Variants in ADGRL3 observed in about 807,000 individuals in gnomAD.
ADGRL3 encodes adhesion G protein-coupled receptor L3.
ADGRL3 carries 62 observed loss-of-function variants against 153.5 expected under a neutral mutation model. That is an observed-to-expected ratio of 0.40 (90% CI 0.33 to 0.50). The LOEUF (loss-of-function observed/expected upper bound fraction) is 0.50, where lower values mean the gene tolerates loss of function less well. Ranked by LOEUF, ADGRL3 falls within the 20% of genes least tolerant of loss-of-function variation. The pLI, the probability that ADGRL3 is intolerant of heterozygous loss-of-function variation, is 0.47. For synonymous variants in ADGRL3, 710 were observed against 672.5 expected, an observed-to-expected ratio of 1.06 and a Z score of -0.86; for missense variants, 1,641 against 1,859.4, an observed-to-expected ratio of 0.88 and a Z score of 2.16.
At chr4:61,918,490 G>T (rs1404232254) in intron 13 of ADGRL3, among the ~76,000 whole-genome samples, 1 of 152,128 alleles carries the variant, frequency 6.6e-6, no homozygotes, top group African/African-American at 2.4e-5. Context: ...TCATCAAGGG[G>T]ATGAGTGTAA....
At chr4:61,936,195 T>G (rs1032850789) in intron 15 of ADGRL3, 150 bp downstream of exon 15, 3 of 827,944 alleles carry the variant, frequency 3.6e-6, no homozygotes, top group Non-Finnish European at 5.9e-6. Flanking sequence ...TCCTCCTCTT[T>G]CTACTGTACA....
In ADGRL3 at chr4:61,782,251, A is replaced by G. The variant is rs570586530; in HGVS notation, c.1400-31558A>G. Among the ~76,000 whole-genome samples, 14 of 152,250 alleles carry G rather than the reference A, an allele frequency of 9.2e-5. No individual in the cohort carries two copies. The South Asian group carries it at 2.5e-3, about 27-fold the overall frequency. On this transcript the variant is annotated intron_variant, in intron 8 of 26. Coordinates refer to ENST00000683033, the MANE Select transcript of ADGRL3 (RefSeq NM_001387552.1). ...CTTTCTTTTTCTATTAATGAGAAGG[A>G]ATAATATTCACTGATTCAGTCAGTA... is the stretch of plus-strand genomic sequence containing the variant.
chr4:61,883,339 G>A (rs902439118), intron 9 of ADGRL3, among the ~76,000 whole-genome samples: 2 of 152,098 alleles, frequency 1.3e-5, no homozygotes, highest in South Asian at 2.1e-4. Context: ...CTTCTGTATC[G>A]CCAGCACTTA....
chr4:61,473,825 T>G (rs890247587), intron 2 of ADGRL3, among the ~76,000 whole-genome samples: 1 of 152,124 alleles, frequency 6.6e-6, no homozygotes, highest in Admixed American at 6.6e-5. Context: ...AAGCAGACAT[T>G]TATTGACTGT....
intron 9 of ADGRL3, among the ~76,000 whole-genome samples, chr4:61,879,301 G>C (rs564519573): frequency 6.6e-6 from 1 of 152,114 alleles, no homozygotes; most frequent in African/African-American, 2.4e-5. Flanking sequence ...TATTACTACA[G>C]ATTGTATATC....
At chr4:61,862,717 T>C (rs1408126829) in intron 9 of ADGRL3, among the ~76,000 whole-genome samples, 1 of 152,118 alleles carries the variant, frequency 6.6e-6, no homozygotes, top group African/African-American at 2.4e-5. Flanking sequence ...TCCAGATTCA[T>C]GGTCTCTATC....
intron 8 of ADGRL3, among the ~76,000 whole-genome samples, chr4:61,756,758 G>T (rs1422297516): frequency 1.3e-5 from 2 of 152,120 alleles, no homozygotes; most frequent in African/African-American, 4.8e-5. Flanking sequence ...CTGTGGGTTT[G>T]TCATAGATAG....
At chr4:61,880,123 T>A in intron 9 of ADGRL3, among the ~76,000 whole-genome samples, 1 of 152,154 alleles carries the variant, frequency 6.6e-6, no homozygotes, top group Admixed American at 6.5e-5. Context: ...AGTTACTAAG[T>A]CCTCAACCTA....
intron 6 of ADGRL3, among the ~76,000 whole-genome samples, chr4:61,729,260 C>T (rs573597011): frequency 7.2e-5 from 11 of 151,914 alleles, no homozygotes; most frequent in African/African-American, 2.7e-4. Context: ...GATGAAGGAT[C>T]TAAAATTTGA....
At chr4:61,642,698 G>A (rs1244995624) in intron 5 of ADGRL3, among the ~76,000 whole-genome samples, 1 of 152,186 alleles carries the variant, frequency 6.6e-6, no homozygotes, top group African/African-American at 2.4e-5. Flanking sequence ...TAGCCTTGTA[G>A]TATAGTTTGA....
chr4:61,325,455 T>C (rs2095444978), intron 1 of ADGRL3, among the ~76,000 whole-genome samples: 1 of 152,248 alleles, frequency 6.6e-6, no homozygotes, highest in Admixed American at 6.5e-5. Flanking sequence ...ACTTTCAAAA[T>C]ATCAGCAAGT....
intron 19 of ADGRL3, among the ~76,000 whole-genome samples, chr4:61,990,615 A>T (rs1203597296): frequency 1.3e-5 from 2 of 152,164 alleles, no homozygotes; most frequent in East Asian, 3.9e-4. Context: ...ACTAACATCG[A>T]GATGACCTTA....
chr4:61,291,801 A>G (rs780477979), intron 1 of ADGRL3, among the ~76,000 whole-genome samples: 4 of 148,812 alleles, frequency 2.7e-5, no homozygotes, highest in Non-Finnish European at 4.4e-5. Flanking sequence ...TATAAAATGG[A>G]GACGTTCTAT....
chr4:61,930,929 A>T (rs1292977912), intron 13 of ADGRL3, among the ~76,000 whole-genome samples: 1 of 152,190 alleles, frequency 6.6e-6, no homozygotes, highest in African/African-American at 2.4e-5. Context: ...TTGTGACCAG[A>T]TGTCATAGTG....
intron 8 of ADGRL3, among the ~76,000 whole-genome samples, chr4:61,756,633 C>G (rs901530182): frequency 3.9e-5 from 6 of 152,134 alleles, no homozygotes; most frequent in African/African-American, 1.4e-4. Context: ...CCTGATTGCC[C>G]TGGCCAGAAC....
chr4:61,619,308 C>G (rs1012588221), intron 5 of ADGRL3, among the ~76,000 whole-genome samples: 3 of 152,050 alleles, frequency 2.0e-5, no homozygotes, highest in Non-Finnish European at 2.9e-5. Flanking sequence ...AAATTGTAAT[C>G]TTTCATGAAA....
chr4:61,598,793 T>G (rs1235472628), intron 5 of ADGRL3, among the ~76,000 whole-genome samples: 1 of 152,214 alleles, frequency 6.6e-6, no homozygotes, highest in Non-Finnish European at 1.5e-5. Flanking sequence ...CTTTTTTCAT[T>G]TATTAAGGAA....
chr4:61,809,627 C>T (rs1204783545), intron 8 of ADGRL3, among the ~76,000 whole-genome samples: 1 of 151,988 alleles, frequency 6.6e-6, no homozygotes, highest in Admixed American at 6.6e-5. Flanking sequence ...ACCTAAGTTG[C>T]TCCCATTGAC....
chr4:62,068,285 T>C, intron 26 of ADGRL3, 102 bp downstream of exon 26: 2 of 1,097,892 alleles, frequency 1.8e-6, no homozygotes, highest in African/African-American at 1.6e-5. Flanking sequence ...ACAGTTCATC[T>C]CACAATTTAA....
Sources: allele counts gnomAD v4.1 joint callset (sites outside exome capture counted in the v4.1 genomes callset), GRCh38; gene constraint gnomAD v4.1.1; transcripts MANE v1.5; gene names NCBI Gene and HGNC (gene_info 2026-07-23, HGNC 2026-07-21).